The following TNS1 variants were observed in gnomAD, a reference collection of about 807,000 sequenced individuals.
The protein encoded by TNS1 is tensin 1, also known as tensin-1.
Under a neutral mutation model 168.6 loss-of-function variants are expected in TNS1, and 62 were observed. The ratio of observed to expected loss-of-function variants is 0.37; its 90% CI spans 0.30 to 0.45. TNS1 has a LOEUF of 0.45. Among genes scored for constraint, TNS1 ranks in the 20% least tolerant of loss-of-function variants. TNS1 has a pLI of 1.00. For synonymous variants in TNS1, 934 were observed against 933.2 expected, an observed-to-expected ratio of 1.00 and a Z score of -0.02; for missense variants, 2,240 against 2,339.4, an observed-to-expected ratio of 0.96 and a Z score of 0.88.
intron 1 of TNS1, among the ~76,000 whole-genome samples, chr2:218,027,165 C>T (rs4674237): frequency 0.18 from 26,830 of 152,114 alleles, 3,235 homozygotes; most frequent in Non-Finnish European, 0.27. Context: ...TGAGGACACC[C>T]ACCAGCTGCT....
Position 217,831,666 on chromosome 2 carries a change from C to G in TNS1, c.3281-119G>C, listed in dbSNP as rs1430805695. On this transcript the variant is annotated intron_variant, in intron 21 of 32. Transcript: ENST00000682258. ...GGGGGCTGGAGACGGTGCCGAGGAA[C>G]CACCCTGAGGCCCAGCGCTTTGGCT... is the stretch of plus-strand genomic sequence containing the variant. The G allele has an allele frequency of 5.6e-6, 4 of 709,326 alleles. No homozygotes were observed. The Admixed American group carries it at 1.5e-4, about 27-fold the overall frequency. 43.9% of individuals were successfully genotyped at this position (709,326 alleles called of 1,614,324 possible). A position where few individuals can be genotyped will look rare whatever the true frequency, so the allele number is the denominator to read the frequency against.
At chr2:217,935,902 T>C (rs1956580297) in intron 3 of TNS1, among the ~76,000 whole-genome samples, 1 of 152,186 alleles carries the variant, frequency 6.6e-6, no homozygotes. Flanking sequence ...AGGATTCACA[T>C]GCAGACCGTG....
At chr2:217,876,507 T>C (rs937407079) in intron 18 of TNS1, among the ~76,000 whole-genome samples, 1 of 152,152 alleles carries the variant, frequency 6.6e-6, no homozygotes, top group Admixed American at 6.5e-5. Flanking sequence ...CCTTGACCTT[T>C]CCTTCCTCCC....
At chr2:217,945,296 A>C (rs887216131) in intron 3 of TNS1, among the ~76,000 whole-genome samples, 1 of 152,176 alleles carries the variant, frequency 6.6e-6, no homozygotes, top group African/African-American at 2.4e-5. Flanking sequence ...ACCCTTCCCC[A>C]GGCTTCAGTT....
chr2:217,962,497 C>T (rs754158115), intron 3 of TNS1, among the ~76,000 whole-genome samples: 36 of 152,072 alleles, frequency 2.4e-4, no homozygotes, highest in Non-Finnish European at 4.3e-4. Context: ...AAGGAGCTCC[C>T]ATTGGCCATG....
intron 18 of TNS1, among the ~76,000 whole-genome samples, chr2:217,856,490 T>C (rs1455928607): frequency 6.6e-6 from 1 of 152,142 alleles, no homozygotes; most frequent in East Asian, 1.9e-4. Context: ...CAGCGAGCTC[T>C]GGAACTTTCT....
At chr2:217,855,913 G>A (rs1382172866) in intron 18 of TNS1, among the ~76,000 whole-genome samples, 1 of 152,142 alleles carries the variant, frequency 6.6e-6, no homozygotes, top group African/African-American at 2.4e-5. Context: ...CAAAGGCTGA[G>A]CATGGTGGAG....
chr2:217,902,279 G>A (rs1201431259), intron 6 of TNS1, among the ~76,000 whole-genome samples: 1 of 152,146 alleles, frequency 6.6e-6, no homozygotes. Flanking sequence ...AGGCCCCAGG[G>A]CCACCCTGCT....
chr2:217,928,580 T>C (rs969010490), intron 3 of TNS1, among the ~76,000 whole-genome samples: 6 of 151,730 alleles, frequency 4.0e-5, no homozygotes, highest in African/African-American at 7.3e-5. Context: ...GGACAGGGAG[T>C]GGGCCTGGCC....
intron 2 of TNS1, among the ~76,000 whole-genome samples, chr2:217,985,830 C>T (rs1406538395): frequency 6.6e-6 from 1 of 152,158 alleles, no homozygotes; most frequent in African/African-American, 2.4e-5. Context: ...ACATCTAAGT[C>T]AAGGACGGGA....
intron 4 of TNS1, among the ~76,000 whole-genome samples, chr2:217,912,848 G>A (rs1268412804): frequency 6.6e-6 from 1 of 152,210 alleles, no homozygotes; most frequent in Non-Finnish European, 1.5e-5. Flanking sequence ...AGCAAAGGGA[G>A]AGAGCGCTTT....
rs1161691762 is a variant in TNS1 at position 217,818,414 on chromosome 2, G to A, written c.3918C>T (p.Pro1306=). ...SPGFGWRAIN[P]SMAAPSSPSL... ...TGGGACTGCTGGGGGCAGCCATGCTGGGATTGATGGCCCGCCAGCCGAAGC... is the reference window on the plus strand; with the variant it reads ...TGGGACTGCTGGGGGCAGCCATGCTAGGATTGATGGCCCGCCAGCCGAAGC... The change falls in exon 24 of 33, where the codon CCC becomes CCT. Residue 1306 remains proline (P), a synonymous_variant. Transcript: ENST00000682258. The A allele has an allele frequency of 1.2e-6, 2 of 1,614,162 alleles. No homozygotes were observed. Among genetic ancestry groups the A allele is most frequent in the Non-Finnish European group, 1.7e-6 (2 of 1,180,010 alleles).
At position 217,821,882 on chromosome 2, in the gene TNS1, G is replaced by C. The variant is rs1942915139; in HGVS notation, c.3430C>G (p.Gln1144Glu). Residue 1144 changes from glutamine to glutamate, a missense_variant, in exon 23 of 33, where the codon CAG becomes GAG. By Grantham distance (29) the Gln-to-Glu change is conservative. Around this residue, in one of 2 missense-constraint regions of TNS1, gnomAD observed 2,131 missense variants for 2,171.2 expected, o/e 0.98. Coordinates refer to ENST00000682258, the MANE Select transcript of TNS1 (RefSeq NM_001387777.1). ...CTAAAGCTCTTGGGCTCAGAGTCCT[G>C]AGCTCGGGGTCCAGCCACCGCTGTC... The part of the protein sequence containing the change: ...ARTAVAGPRA[Q>E]DSEPKSFSAP... 6.3e-7 allele frequency: 1 copy of C among 1,589,920 alleles called. No individual in the cohort carries two copies. Among genetic ancestry groups the C allele is most frequent in the Non-Finnish European group, 8.6e-7 (1 of 1,168,884 alleles).
intron 31 of TNS1, 96 bp downstream of exon 31, chr2:217,808,505 ATG>A (rs372815865): frequency 9.0e-7 from 1 of 1,111,422 alleles, no homozygotes; most frequent in Non-Finnish European, 1.3e-6. Flanking sequence ...ATGTATGCAC[ATG>A]CACACACACA....
At chr2:217,918,615 C>A (rs947593126) in intron 4 of TNS1, among the ~76,000 whole-genome samples, 3 of 152,222 alleles carry the variant, frequency 2.0e-5, no homozygotes, top group African/African-American at 7.2e-5. Flanking sequence ...AGACTCCCAG[C>A]AGCCAGACAT....
intron 6 of TNS1, among the ~76,000 whole-genome samples, chr2:217,902,592 C>T (rs1471029843): frequency 1.3e-5 from 2 of 152,194 alleles, no homozygotes; most frequent in African/African-American, 4.8e-5. Context: ...CATTACAACA[C>T]TCCACATTCC....
rs899092917 is a variant in TNS1, at chr2:217,802,987, T to C, written c.*1472A>G. ...TGTTTTCCCAACTGTCCAGTGGACCTTAGGCCCTTTGGCCCAAGTGCAAGC... is the reference window on the plus strand; with the variant it reads ...TGTTTTCCCAACTGTCCAGTGGACCCTAGGCCCTTTGGCCCAAGTGCAAGC... On this transcript the variant is annotated 3_prime_UTR_variant, in exon 33 of 33. Coordinates refer to ENST00000682258, the MANE Select transcript of TNS1 (RefSeq NM_001387777.1). 2.6e-5 allele frequency: 4 copies of C among 152,680 alleles called. No individual in the cohort carries two copies. Among genetic ancestry groups the C allele is most frequent in the Admixed American group, 2.6e-4 (4 of 15,290 alleles). 9.5% of individuals were successfully genotyped at this position (152,680 alleles called of 1,614,324 possible).
intron 18 of TNS1, among the ~76,000 whole-genome samples, chr2:217,853,472 T>C (rs1947776089): frequency 1.3e-5 from 2 of 151,914 alleles, no homozygotes; most frequent in African/African-American, 2.4e-5. Flanking sequence ...CGGGTGACAA[T>C]GGAGTGGGAT....
intron 1 of TNS1, among the ~76,000 whole-genome samples, chr2:218,025,679 C>CT (rs1307056499): frequency 7.8e-5 from 11 of 141,464 alleles, no homozygotes; most frequent in African/African-American, 2.5e-4. Flanking sequence ...CAGGGGATTT[C>CT]TTTCTTTTTT....
Sources: allele counts gnomAD v4.1 joint callset (sites outside exome capture counted in the v4.1 genomes callset), GRCh38; gene constraint gnomAD v4.1.1; regional missense constraint gnomAD v4.1.1; transcripts MANE v1.5; gene names NCBI Gene and HGNC (gene_info 2026-07-23, HGNC 2026-07-21).